SGK3: variants seen among roughly 807,000 people sequenced by gnomAD.
SGK3 encodes serine/threonine-protein kinase Sgk3.
In SGK3, 47 loss-of-function variants were observed where a neutral mutation model predicts 68.5. The ratio of observed to expected loss-of-function variants is 0.69; its 90% CI spans 0.54 to 0.87. SGK3 has a LOEUF of 0.87. SGK3 is among the 40% of genes least tolerant of loss of function. SGK3 has a pLI of 0.00. For missense variants in SGK3, 479 were observed against 575.5 expected, an observed-to-expected ratio of 0.83 and a Z score of 1.72; for synonymous variants, 181 against 189.1, an observed-to-expected ratio of 0.96 and a Z score of 0.35.
At chr8:66,728,161 G>A (rs1179596761) in intron 1 of SGK3, among the ~76,000 whole-genome samples, 1 of 152,196 alleles carries the variant, frequency 6.6e-6, no homozygotes, top group East Asian at 1.9e-4. Flanking sequence ...CTTCCAGCCA[G>A]CCCCAAGTAA....
At chr8:66,785,397 G>C (rs529107306) in intron 1 of SGK3, among the ~76,000 whole-genome samples, 38 of 152,308 alleles carry the variant, frequency 2.5e-4, no homozygotes, top group Non-Finnish European at 1.6e-4. Context: ...TCATTGATGT[G>C]TTAGATGTGA....
At chr8:66,728,642 T>A (rs1220265059) in intron 1 of SGK3, among the ~76,000 whole-genome samples, 1 of 152,028 alleles carries the variant, frequency 6.6e-6, no homozygotes, top group Non-Finnish European at 1.5e-5. Flanking sequence ...TTTATATTGG[T>A]GAAAAATATC....
intron 5 of SGK3, among the ~76,000 whole-genome samples, chr8:66,820,313 C>CT (rs1235980600): frequency 1.5e-4 from 23 of 151,512 alleles, no homozygotes; most frequent in African/African-American, 1.5e-4. Flanking sequence ...TACTAGGTGA[C>CT]TTTTTTTTTG....
At chr8:66,729,735 T>TTTATTTATTTA (rs1805091790) in intron 1 of SGK3, among the ~76,000 whole-genome samples, 1 of 150,908 alleles carries the variant, frequency 6.6e-6, no homozygotes, top group East Asian at 1.9e-4. Flanking sequence ...ATTTATTTAT[T>TTTATTTATTTA]TTTATTTATT....
At chr8:66,742,282 C>A (rs1033648705) in intron 1 of SGK3, among the ~76,000 whole-genome samples, 1 of 152,136 alleles carries the variant, frequency 6.6e-6, no homozygotes, top group African/African-American at 2.4e-5. Flanking sequence ...GAAAAAAAAT[C>A]AAAATGAATA....
intron 1 of SGK3, among the ~76,000 whole-genome samples, chr8:66,713,425 G>A (rs1310013632): frequency 6.6e-6 from 1 of 152,198 alleles, no homozygotes; most frequent in Non-Finnish European, 1.5e-5. Context: ...AAAGAGAAAG[G>A]AATCATCTCT....
At position 66,846,418 on chromosome 8, in the gene SGK3, G is replaced by A. The variant is rs548403869; in HGVS notation, c.1075-775G>A. On this transcript the variant is annotated intron_variant, in intron 14 of 16. Coordinates refer to ENST00000521198, the MANE Select transcript of SGK3 (RefSeq NM_001033578.3). ...CATCCTCCGCCTCCCAGGTTTAACC[G>A]ATTCTCATGCCTCAGTCTCCTGAGT... is the stretch of plus-strand genomic sequence containing the variant. Among the ~76,000 whole-genome samples the A allele has an allele frequency of 4.7e-4, 71 of 152,202 alleles. No homozygotes were observed. In the Middle Eastern group the frequency reaches 0.01, roughly 22 times the overall value.
In SGK3 at chr8:66,850,883, T is replaced by C. The variant is rs760972252; in HGVS notation, c.1283T>C (p.Val428Ala). The C allele has an allele frequency of 3.2e-5, 51 of 1,611,896 alleles. No individual in the cohort carries two copies. Among genetic ancestry groups the C allele is most frequent in the Non-Finnish European group, 4.2e-5 (49 of 1,178,918 alleles). Residue 428 changes from valine (V) to alanine (A), a missense_variant, in exon 16 of 17, where the codon GTA becomes GCA. This residue lies in a region of SGK3 where 173 missense variants were observed against 214.3 expected (regional missense o/e 0.81). Coordinates refer to ENST00000521198, the MANE Select transcript of SGK3 (RefSeq NM_001033578.3). ...FFESLSWADL[V>A]QKKIPPPFNP... ...GAATCACTCAGCTGGGCTGACCTTG[T>C]ACAAAAGAAGATTCCACCACCATTT... is the stretch of plus-strand genomic sequence containing the variant.
Position 66,861,575 on chromosome 8 carries a change from T to A in SGK3, c.*1994T>A, listed in dbSNP as rs374835347. 10 of 152,360 alleles carry A rather than the reference T, an allele frequency of 6.6e-5. No homozygotes were observed. The South Asian group carries it at 1.2e-3, about 19-fold the overall frequency. The allele number at this position is 152,360 out of a possible 1,614,324, so 9.4% of individuals were successfully genotyped here. A position where few individuals can be genotyped will look rare whatever the true frequency, so the allele number is the denominator to read the frequency against. ...AGGAAACATTTTTGTAAAAGTTTAA[T>A]GACCCACTTTAGATGCTCCAAGAAC... On this transcript the variant is annotated 3_prime_UTR_variant, in exon 17 of 17. Transcript: ENST00000521198.
chr8:66,720,016 A>G (rs1172694027), intron 1 of SGK3, among the ~76,000 whole-genome samples: 1 of 152,188 alleles, frequency 6.6e-6, no homozygotes, highest in Non-Finnish European at 1.5e-5. Context: ...CACAGATTCC[A>G]TGCACCTTTG....
At chr8:66,749,536 G>A (rs1401612348) in intron 1 of SGK3, among the ~76,000 whole-genome samples, 1 of 152,148 alleles carries the variant, frequency 6.6e-6, no homozygotes, top group African/African-American at 2.4e-5. Flanking sequence ...ATGTGAGCAA[G>A]AATGGAATTG....
intron 16 of SGK3, among the ~76,000 whole-genome samples, chr8:66,858,293 C>T (rs183847781): frequency 2.0e-5 from 3 of 151,700 alleles, no homozygotes; most frequent in Non-Finnish European, 2.9e-5. Flanking sequence ...GGTGAAACCC[C>T]GTCTCTACTA....
At position 66,749,884 on chromosome 8, in the gene SGK3, T is replaced by C. The variant is rs77656681; in HGVS notation, c.-122+37051T>C. ...TATGTAAAAAATAGAATGACTGCCT[T>C]GGTACATGGCAACTGAGTATCAGCC... On this transcript the variant is annotated intron_variant, in intron 1 of 16. Transcript: ENST00000521198. Among the ~76,000 whole-genome samples, 1,126 of 151,952 alleles carry C rather than the reference T, an allele frequency of 7.4e-3. 16 individuals carry two copies. Among genetic ancestry groups the C allele is most frequent in the African/African-American group, 0.025 (1,050 of 41,432 alleles).
chr8:66,769,199 G>T (rs1049865663), intron 1 of SGK3, among the ~76,000 whole-genome samples: 1 of 151,974 alleles, frequency 6.6e-6, no homozygotes, highest in Admixed American at 6.6e-5. Context: ...GCTTAAAGTT[G>T]TCCACAGCTC....
chr8:66,777,536 C>A (rs1290466736), intron 1 of SGK3, among the ~76,000 whole-genome samples: 1 of 152,152 alleles, frequency 6.6e-6, no homozygotes, highest in African/African-American at 2.4e-5. Flanking sequence ...AATGTTAATT[C>A]TTTCTTCTAC....
intron 16 of SGK3, among the ~76,000 whole-genome samples, chr8:66,857,471 A>T (rs868552522): frequency 2.0e-5 from 3 of 152,124 alleles, no homozygotes; most frequent in East Asian, 1.9e-4. Flanking sequence ...CTGAATTTGT[A>T]TCCCAGTTTT....
At chr8:66,767,932 T>G (rs751391595) in intron 1 of SGK3, 1 of 1,022,300 alleles carries the variant, frequency 9.8e-7, no homozygotes, top group South Asian at 1.3e-5. Context: ...AGACCCCAGC[T>G]TCAGCCCATC....
intron 14 of SGK3, among the ~76,000 whole-genome samples, chr8:66,846,222 A>T (rs997632548): frequency 6.6e-6 from 1 of 152,126 alleles, no homozygotes; most frequent in African/African-American, 2.4e-5. Flanking sequence ...ACATATTACA[A>T]CCTTGCAGAT....
intron 2 of SGK3, among the ~76,000 whole-genome samples, chr8:66,796,086 C>T (rs1807668981): frequency 6.6e-6 from 1 of 152,154 alleles, no homozygotes; most frequent in East Asian, 1.9e-4. Flanking sequence ...TCCCACCCAA[C>T]ACAGATGCTG....
Sources: allele counts gnomAD v4.1 joint callset (sites outside exome capture counted in the v4.1 genomes callset), GRCh38; gene constraint gnomAD v4.1.1; regional missense constraint gnomAD v4.1.1; transcripts MANE v1.5; gene names NCBI Gene and HGNC (gene_info 2026-07-23, HGNC 2026-07-21).